AKAP7: variants seen among roughly 807,000 people sequenced by gnomAD.
The protein encoded by AKAP7 is A kinase (PRKA) anchor protein 7.
AKAP7 carries 39 observed loss-of-function variants against 39.5 expected under a neutral mutation model. The ratio of observed to expected loss-of-function variants is 0.99; its 90% confidence interval spans 0.76 to 1.29. The LOEUF is 1.29. Ranked by LOEUF, AKAP7 falls within the 50% of genes most tolerant of loss-of-function variation. AKAP7 has a pLI of 0.00. For missense variants in AKAP7, 414 were observed against 407.7 expected (o/e 1.02, Z -0.13); for synonymous variants, 140 against 139.1 (o/e 1.01, Z -0.05).
intron 6 of AKAP7, among the ~76,000 whole-genome samples, chr6:131,218,968 T>C (rs74661824): frequency 7.0e-4 from 106 of 152,202 alleles, no homozygotes; most frequent in East Asian, 3.1e-3. Context: ...TACCTTACTT[T>C]AAAAAAATGT....
At chr6:131,135,256 C>T (rs192604286), upstream of AKAP7, among the ~76,000 whole-genome samples, 113 of 152,346 alleles carry the variant, frequency 7.4e-4, no homozygotes, top group Admixed American at 2.3e-3. Flanking sequence ...GGCAAGGCTG[C>T]GCCACGGGAA....
At chr6:131,143,432 G>A (rs1801207189) in intron 1 of AKAP7, among the ~76,000 whole-genome samples, 1 of 152,106 alleles carries the variant, frequency 6.6e-6, no homozygotes, top group South Asian at 2.1e-4. Flanking sequence ...TGTTTTTCTT[G>A]ACGTGTGACA....
intron 7 of AKAP7, among the ~76,000 whole-genome samples, chr6:131,251,803 T>C (rs1195539252): frequency 6.6e-6 from 1 of 152,242 alleles, no homozygotes; most frequent in Non-Finnish European, 1.5e-5. Flanking sequence ...TACAACAAAG[T>C]CATTCACTTT....
intron 7 of AKAP7, among the ~76,000 whole-genome samples, chr6:131,278,837 C>A (rs997907632): frequency 6.6e-6 from 1 of 152,120 alleles, no homozygotes; most frequent in Non-Finnish European, 1.5e-5. Context: ...GGACACAAAT[C>A]CACACTACAT....
intron 2 of AKAP7, among the ~76,000 whole-genome samples, chr6:131,153,783 C>T (rs1802154189): frequency 1.3e-5 from 2 of 151,996 alleles, no homozygotes; most frequent in South Asian, 2.1e-4. Context: ...AAAGAATGTA[C>T]TATACATGGC....
intron 2 of AKAP7, among the ~76,000 whole-genome samples, chr6:131,152,852 G>C (rs1802047364): frequency 6.7e-6 from 1 of 150,298 alleles, no homozygotes. Flanking sequence ...AAAAAGTCCG[G>C]GCGCGCTGGC....
Position 131,180,664 on chromosome 6 carries a change from C to T in AKAP7, c.589+11391C>T, listed in dbSNP as rs187187607. 5.9e-3 allele frequency among the ~76,000 whole-genome samples: 900 copies of T among 152,270 alleles called. 10 individuals carry two copies. The highest frequency in any genetic ancestry group is 0.021 in the African/African-American group (869 of 41,542). On this transcript the variant is annotated intron_variant, in intron 5 of 7. Coordinates refer to ENST00000431975, the MANE Select transcript of AKAP7 (RefSeq NM_016377.4). ...TACTGTCCTTTTCTCAAACCTCCTG[C>T]GGTCAGTAGGCTATGGCCTACTTCA...
Position 131,135,504 on chromosome 6 carries a change from T to TGCGGCTGCTGCGGCTGCC in AKAP7, c.-257_-240dup, listed in dbSNP as rs1800447981. Among the ~76,000 whole-genome samples the TGCGGCTGCTGCGGCTGCC allele has an allele frequency of 6.8e-6, 1 of 147,640 alleles. No homozygotes were observed. The highest frequency in any genetic ancestry group is 6.7e-5 in the Admixed American group (1 of 14,886). The stretch of plus-strand genomic sequence containing the variant: ...GGCGTCCGGCCTGGCATGCGGGTGC[T>TGCGGCTGCTGCGGCTGCC]GCGGCTGCTGCGGCTGCCGCCGCCG... On this transcript the variant is annotated 5_prime_UTR_variant, in exon 1 of 8. Coordinates refer to ENST00000431975, the MANE Select transcript of AKAP7 (RefSeq NM_016377.4).
rs202087380 is a variant in AKAP7, at chr6:131,211,729, C to T, written c.703-7932C>T. Among the ~76,000 whole-genome samples, 15 of 144,490 alleles carry T rather than the reference C, an allele frequency of 1.0e-4. No individual in the cohort carries two copies. In the East Asian group the frequency reaches 2.4e-3, roughly 23 times the overall value. 94.8% of individuals were successfully genotyped at this position (144,490 alleles called of 152,430 possible). On this transcript the variant is annotated intron_variant, in intron 6 of 7. Coordinates refer to ENST00000431975, the MANE Select transcript of AKAP7 (RefSeq NM_016377.4). ...CGGAGGTTGCAGTGAGCCGAGATCA[C>T]GCCACTGCACTCCAGCCTGGGAGAC...
intron 5 of AKAP7, among the ~76,000 whole-genome samples, chr6:131,175,220 T>C (rs73633185): frequency 0.081 from 12,337 of 151,890 alleles, 613 homozygotes; most frequent in Middle Eastern, 0.15. Context: ...GAGGAGTGAG[T>C]CTTGCTGTCT....
At chr6:131,179,837 C>A (rs1016007990) in intron 5 of AKAP7, among the ~76,000 whole-genome samples, 1 of 151,542 alleles carries the variant, frequency 6.6e-6, no homozygotes, top group Admixed American at 6.6e-5. Context: ...CCACCATACT[C>A]CAGCCTGGGT....
At chr6:131,209,767 A>G (rs190841471) in intron 6 of AKAP7, among the ~76,000 whole-genome samples, 11 of 152,192 alleles carry the variant, frequency 7.2e-5, no homozygotes, top group South Asian at 2.1e-4. Context: ...GTCAGCTGGT[A>G]ATTTTCATTT....
At chr6:131,186,841 G>A (rs750137633) in intron 5 of AKAP7, among the ~76,000 whole-genome samples, 4 of 152,130 alleles carry the variant, frequency 2.6e-5, no homozygotes, top group Admixed American at 2.6e-4. Flanking sequence ...GCTCCCAAAG[G>A]CCCCACCTCT....
intron 2 of AKAP7, among the ~76,000 whole-genome samples, chr6:131,148,962 C>T (rs554963535): frequency 1.5e-4 from 23 of 152,218 alleles, no homozygotes; most frequent in African/African-American, 4.8e-4. Flanking sequence ...GTGGAAATTG[C>T]GAGTTAACTG....
chr6:131,231,429 G>A (rs180699277), intron 7 of AKAP7, among the ~76,000 whole-genome samples: 5 of 151,942 alleles, frequency 3.3e-5, no homozygotes, highest in African/African-American at 7.2e-5. Context: ...TACTTAGACC[G>A]ATTAAGATGA....
intron 4 of AKAP7, among the ~76,000 whole-genome samples, chr6:131,166,365 C>T (rs1328877487): frequency 6.6e-6 from 1 of 152,112 alleles, no homozygotes; most frequent in African/African-American, 2.4e-5. Flanking sequence ...GAGTAGTGCT[C>T]TGTGTGTGTT....
At chr6:131,142,550 A>T (rs1300002623) in intron 1 of AKAP7, among the ~76,000 whole-genome samples, 1 of 152,256 alleles carries the variant, frequency 6.6e-6, no homozygotes, top group Non-Finnish European at 1.5e-5. Context: ...ATTTCAGATG[A>T]TGTACCAGAA....
intron 5 of AKAP7, among the ~76,000 whole-genome samples, chr6:131,177,340 G>A (rs953562838): frequency 6.6e-6 from 1 of 152,184 alleles, no homozygotes; most frequent in African/African-American, 2.4e-5. Flanking sequence ...CTGGCTCCCG[G>A]TGAGAACCAC....
intron 7 of AKAP7, chr6:131,242,252 TG>T (rs754690305): frequency 8.0e-5 from 76 of 947,072 alleles, no homozygotes; most frequent in Non-Finnish European, 9.4e-5. Context: ...GTTTTATATT[TG>T]GTACCAAAGA....
Sources: gnomAD v4.1 joint callset for allele counts (sites outside exome capture counted in the v4.1 genomes callset) on GRCh38, gnomAD v4.1.1 for gene constraint, MANE v1.5 for transcripts, NCBI Gene and HGNC (gene_info 2026-07-23, HGNC 2026-07-21) for gene names.